Variants in PCDHGA4 observed in about 807,000 individuals in gnomAD.
The protein encoded by PCDHGA4 is protocadherin gamma-A4.
Under a neutral mutation model 54.6 loss-of-function variants are expected in PCDHGA4, and 38 were observed. The observed-to-expected ratio is 0.70, with a 90% CI of 0.54 to 0.91. The LOEUF (loss-of-function observed/expected upper bound fraction) is 0.91. PCDHGA4 is among the 40% of genes least tolerant of loss of function. PCDHGA4 has a pLI of 0.00. For synonymous variants in PCDHGA4, 511 were observed against 512.9 expected (o/e 1.00, Z 0.05); for missense variants, 1,298 against 1,220.9 (o/e 1.06, Z -0.94).
chr5:141,400,591 C>T lies in PCDHGA4; in HGVS notation c.2514+42970C>T, dbSNP rs746471054. ...ATTTTCTGTATTTACATGAAACTATCGTACATTTTCAAGTCCAATGAGTTG... is the reference window on the plus strand; with the variant it reads ...ATTTTCTGTATTTACATGAAACTATTGTACATTTTCAAGTCCAATGAGTTG... On this transcript the variant is annotated intron_variant, in intron 1 of 3. Transcript: ENST00000571252. 2.5e-6 allele frequency: 4 copies of T among 1,602,858 alleles called. No homozygotes were observed. In the African/African-American group the frequency reaches 5.4e-5, roughly 21 times the overall value.
At chr5:141,464,944 G>T (rs1379789566) in intron 1 of PCDHGA4, among the ~76,000 whole-genome samples, 1 of 151,826 alleles carries the variant, frequency 6.6e-6, no homozygotes, top group African/African-American at 2.4e-5. Context: ...GTCTCACTAT[G>T]TTGCCCAGGC....
rs148798222 is a variant in PCDHGA4, at chr5:141,432,106, G to A, written c.2515-62701G>A. On this transcript the variant is annotated intron_variant, in intron 1 of 3. Coordinates refer to ENST00000571252, the MANE Select transcript of PCDHGA4 (RefSeq NM_018917.4). This position sits in a 1 kb window ranked among gnomAD's most constrained non-coding sequence, Gnocchi z 6.0. The stretch of plus-strand genomic sequence containing the variant: ...ACGTGGCAGACACCAACGACAACCC[G>A]CCGGTCTTCCCTCAGGCCTCCTATT... 4 of 1,614,068 alleles carry A rather than the reference G, an allele frequency of 2.5e-6. No homozygotes were observed. Among genetic ancestry groups the A allele is most frequent in the Non-Finnish European group, 3.4e-6 (4 of 1,180,020 alleles).
chr5:141,379,890 T>A (rs1002813574), intron 1 of PCDHGA4, among the ~76,000 whole-genome samples: 1 of 25,360 alleles, frequency 3.9e-5, no homozygotes, highest in East Asian at 2.2e-3. Context: ...TGAAAGCCTC[T>A]TTTTTTTTTT....
In PCDHGA4 at chr5:141,407,217, G is replaced by C. The variant is rs181833770; in HGVS notation, c.2514+49596G>C. 5.8e-3 allele frequency among the ~76,000 whole-genome samples: 885 copies of C among 151,964 alleles called. 4 individuals carry two copies. Among genetic ancestry groups the C allele is most frequent in the Non-Finnish European group, 9.1e-3 (620 of 67,966 alleles). ...TCAAACACGTTTTCCCCCTTAAGTG[G>C]GTAGCAAAAAAAATAAAGCATACTT... On this transcript the variant is annotated intron_variant, in intron 1 of 3. Transcript: ENST00000571252.
At chr5:141,418,922 C>A in intron 1 of PCDHGA4, 1 of 1,613,994 alleles carries the variant, frequency 6.2e-7, no homozygotes, top group Non-Finnish European at 8.5e-7. Context: ...ACTCTCTGAT[C>A]AGATTATGGA....
At chr5:141,429,169 T>TACATACACACACACACAC (rs369570830) in intron 1 of PCDHGA4, 115 of 145,474 alleles carry the variant, frequency 7.9e-4, no homozygotes, top group African/African-American at 2.1e-3. Flanking sequence ...ACATTGTTTA[T>TACATACACACACACACAC]ACACACACAC....
intron 1 of PCDHGA4, chr5:141,419,942 G>A: frequency 6.2e-7 from 1 of 1,614,070 alleles, no homozygotes. Context: ...CCTGGTGGTG[G>A]CCTTGGCCTT....
At chr5:141,387,316 A>G (rs1239342995) in intron 1 of PCDHGA4, among the ~76,000 whole-genome samples, 3 of 152,214 alleles carry the variant, frequency 2.0e-5, no homozygotes, top group African/African-American at 7.2e-5. Flanking sequence ...TCTAATGAGT[A>G]AGTATGGAAA....
At chr5:141,375,315 A>T (rs372335399) in intron 1 of PCDHGA4, 6 of 1,613,674 alleles carry the variant, frequency 3.7e-6, no homozygotes, top group Non-Finnish European at 5.1e-6. Flanking sequence ...GCAGCTCTAG[A>T]CCGGGAAGAG....
intron 1 of PCDHGA4, among the ~76,000 whole-genome samples, chr5:141,445,356 A>C (rs1333905692): frequency 6.6e-6 from 1 of 152,202 alleles, no homozygotes; most frequent in Non-Finnish European, 1.5e-5. Flanking sequence ...TGTCTGCCCA[A>C]GTCTGGTCCT....
intron 2 of PCDHGA4, among the ~76,000 whole-genome samples, chr5:141,496,839 AG>A (rs2099771805): frequency 1.3e-5 from 2 of 151,484 alleles, no homozygotes; most frequent in African/African-American, 4.9e-5. Context: ...CAGAACTCAT[AG>A]GCTTCCAGAC....
chr5:141,409,522 G>A (rs371017853), intron 1 of PCDHGA4: 30 of 1,613,874 alleles, frequency 1.9e-5, no homozygotes, highest in Non-Finnish European at 2.3e-5. Flanking sequence ...GCATCACCTT[G>A]TATGTCGCTG....
At chr5:141,509,823 TTCTC>T (rs2099878456) in intron 3 of PCDHGA4, among the ~76,000 whole-genome samples, 1 of 152,170 alleles carries the variant, frequency 6.6e-6, no homozygotes, top group Non-Finnish European at 1.5e-5. Flanking sequence ...CTTCTCCATC[TTCTC>T]TCTACCTCCC....
chr5:141,393,051 C>G, intron 1 of PCDHGA4: 1 of 1,613,622 alleles, frequency 6.2e-7, no homozygotes, highest in South Asian at 1.1e-5. Flanking sequence ...TCTGAACCCG[C>G]GCAGCGGCAG....
At position 141,490,551 on chromosome 5, in the gene PCDHGA4, T is replaced by A; in HGVS notation, c.2515-4256T>A. On this transcript the variant is annotated intron_variant, in intron 1 of 3. Coordinates refer to ENST00000571252, the MANE Select transcript of PCDHGA4 (RefSeq NM_018917.4). This position sits in a 1 kb window ranked among gnomAD's most constrained non-coding sequence, Gnocchi z 5.4. ...CTGGTTCACCTTCCCTACACAAACA[T>A]CTCACCATCAGGCTCAACATTTCAG... is the stretch of plus-strand genomic sequence containing the variant. 1 of 1,614,088 alleles carries A rather than the reference T, an allele frequency of 6.2e-7. No individual in the cohort carries two copies. Among genetic ancestry groups the A allele is most frequent in the East Asian group, 2.2e-5 (1 of 44,874 alleles).
rs1561663429 is a variant in PCDHGA4 at position 141,398,237 on chromosome 5, T to C, written c.2514+40616T>C. 4.1e-6 allele frequency: 6 copies of C among 1,479,416 alleles called. No homozygotes were observed. In the African/African-American group the frequency reaches 8.6e-5, roughly 21 times the overall value. The allele number at this position is 1,479,416 out of a possible 1,614,324, so 91.6% of individuals were successfully genotyped here. ...CTCTGTGAGCAGATCCGCTACAGGA[T>C]TCCCGAGGAAATGCCCAAGGGCTCC... On this transcript the variant is annotated intron_variant, in intron 1 of 3. Transcript: ENST00000571252.
chr5:141,399,775 G>A, intron 1 of PCDHGA4: 2 of 1,613,282 alleles, frequency 1.2e-6, no homozygotes, highest in Non-Finnish European at 1.7e-6. Flanking sequence ...GTTGGTGGGC[G>A]ACCGAAACGA....
At position 141,384,825 on chromosome 5, in the gene PCDHGA4, C is replaced by T. The variant is rs570988671; in HGVS notation, c.2514+27204C>T. On this transcript the variant is annotated intron_variant, in intron 1 of 3. Transcript: ENST00000571252. ...ACAGAGATGCCCTCAAGCAGAGCCT[C>T]GTGGTGGCCGTCCAGGACCACGGTC... The T allele has an allele frequency of 5.0e-6, 8 of 1,613,474 alleles. No homozygotes were observed. The African/African-American group carries it at 9.3e-5, about 19-fold the overall frequency.
intron 1 of PCDHGA4, chr5:141,361,712 G>A (rs1306730531): frequency 1.9e-6 from 3 of 1,613,282 alleles, no homozygotes; most frequent in Non-Finnish European, 2.5e-6. Context: ...GAGCAGCTGC[G>A]CGCCTTCGAG....
Sources: gnomAD v4.1 joint callset for allele counts (sites outside exome capture counted in the v4.1 genomes callset) on GRCh38, gnomAD v4.1.1 for gene constraint, Gnocchi (gnomAD v3.1) non-coding constraint, MANE v1.5 for transcripts, NCBI Gene and HGNC (gene_info 2026-07-23, HGNC 2026-07-21) for gene names.